CDK14: variants seen among roughly 807,000 people sequenced by gnomAD.
CDK14 encodes the protein cyclin dependent kinase 14.
Under a neutral mutation model 60.7 loss-of-function variants are expected in CDK14, and 34 were observed. That is an observed-to-expected ratio of 0.56 (90% CI 0.43 to 0.75). The LOEUF (loss-of-function observed/expected upper bound fraction) is 0.75. CDK14 is among the 30% of genes least tolerant of loss of function. The pLI is 0.00. For missense variants in CDK14, 482 were observed against 564.1 expected, an observed-to-expected ratio of 0.85 and a Z score of 1.47; for synonymous variants, 197 against 203.7, an observed-to-expected ratio of 0.97 and a Z score of 0.28.
intron 4 of CDK14, among the ~76,000 whole-genome samples, chr7:90,757,232 GTGTGTGTGTGTGTGTGTGTC>G (rs1405109635): frequency 3.4e-5 from 5 of 146,714 alleles, no homozygotes; most frequent in East Asian, 5.7e-4. Flanking sequence ...GTGTGTGTGT[GTGTGTGTGTGTGTGTGTGTC>G]TGTGTGTGTC....
chr7:90,668,223 T>G (rs1801024972), intron 2 of CDK14, among the ~76,000 whole-genome samples: 1 of 152,246 alleles, frequency 6.6e-6, no homozygotes, highest in South Asian at 2.1e-4. Context: ...GGATGTGAAG[T>G]GACATGTCTT....
intron 2 of CDK14, among the ~76,000 whole-genome samples, chr7:90,723,612 A>T (rs1802533453): frequency 6.6e-6 from 1 of 152,212 alleles, no homozygotes; most frequent in Non-Finnish European, 1.5e-5. Flanking sequence ...TATTTATGGG[A>T]TACAAGTCAA....
At chr7:91,110,128 A>G (rs1264144109) in intron 12 of CDK14, among the ~76,000 whole-genome samples, 2 of 152,118 alleles carry the variant, frequency 1.3e-5, no homozygotes, top group African/African-American at 2.4e-5. Flanking sequence ...ATGTCTTAAC[A>G]ACTTAGGTAG....
chr7:90,628,819 G>A (rs1228507858), intron 2 of CDK14, among the ~76,000 whole-genome samples: 5 of 151,988 alleles, frequency 3.3e-5, no homozygotes, highest in Non-Finnish European at 5.9e-5. Flanking sequence ...CAGCCTTGGC[G>A]ACAGAGTGAG....
In CDK14 at chr7:91,143,764, C is replaced by T. The variant is rs114845909; in HGVS notation, c.*28+25556C>T. On this transcript the variant is annotated intron_variant, in intron 14 of 14. Coordinates refer to ENST00000380050, the MANE Select transcript of CDK14 (RefSeq NM_001287135.2). ...GAACATCTCACTTAATGAGTGCTTA[C>T]TGCATGCTAGACATCATGTTGAGCA... Among the ~76,000 whole-genome samples, 1,058 of 152,210 alleles carry T rather than the reference C, an allele frequency of 7.0e-3. 5 individuals are homozygous for T. Among genetic ancestry groups the T allele is most frequent in the African/African-American group, 0.024 (988 of 41,528 alleles).
intron 14 of CDK14, among the ~76,000 whole-genome samples, chr7:91,118,571 G>A (rs1373201765): frequency 6.6e-6 from 1 of 152,154 alleles, no homozygotes; most frequent in East Asian, 1.9e-4. Context: ...TTTCTAATTA[G>A]TTGTTCTCAT....
intron 14 of CDK14, among the ~76,000 whole-genome samples, chr7:91,176,498 C>CA (rs1198641157): frequency 6.6e-6 from 1 of 151,970 alleles, no homozygotes; most frequent in Non-Finnish European, 1.5e-5. Flanking sequence ...AAAAACCCTT[C>CA]AAAAAATTAA....
chr7:91,058,298 G>C (rs913594470), intron 11 of CDK14, among the ~76,000 whole-genome samples: 6 of 152,142 alleles, frequency 3.9e-5, no homozygotes, highest in African/African-American at 9.7e-5. Flanking sequence ...AGCTTAAGGA[G>C]ATTTTGGGCT....
At chr7:90,868,332 C>CGTGT (rs1242367253) in intron 6 of CDK14, among the ~76,000 whole-genome samples, 24 of 151,294 alleles carry the variant, frequency 1.6e-4, no homozygotes, top group Non-Finnish European at 4.4e-5. Context: ...CATACATACA[C>CGTGT]ACACATTAAT....
chr7:90,617,910 G>A (rs571351521), intron 2 of CDK14, among the ~76,000 whole-genome samples: 22 of 152,276 alleles, frequency 1.4e-4, no homozygotes, highest in Admixed American at 3.9e-4. Context: ...ATACAGACTG[G>A]TTTGAGCTGG....
intron 2 of CDK14, among the ~76,000 whole-genome samples, chr7:90,608,830 G>T (rs755712410): frequency 6.6e-6 from 1 of 151,898 alleles, no homozygotes; most frequent in Admixed American, 6.5e-5. Flanking sequence ...TATACAAAGC[G>T]TATAAAATTA....
intron 4 of CDK14, among the ~76,000 whole-genome samples, chr7:90,788,345 A>T (rs553855020): frequency 6.6e-6 from 1 of 152,296 alleles, no homozygotes; most frequent in Admixed American, 6.5e-5. Flanking sequence ...GTCCTAAAAG[A>T]TGAAGTGAAG....
At chr7:91,205,029 A>C (rs1389059173) in intron 14 of CDK14, among the ~76,000 whole-genome samples, 1 of 152,150 alleles carries the variant, frequency 6.6e-6, no homozygotes, top group Non-Finnish European at 1.5e-5. Context: ...GGATGGCTAT[A>C]ATTTTTTTTA....
intron 12 of CDK14, among the ~76,000 whole-genome samples, chr7:91,105,818 A>T (rs952339403): frequency 2.6e-5 from 4 of 152,208 alleles, no homozygotes; most frequent in Non-Finnish European, 5.9e-5. Context: ...ATAAGATCAT[A>T]TAAAAAACTT....
At chr7:91,176,157 A>C (rs1452847574) in intron 14 of CDK14, among the ~76,000 whole-genome samples, 1 of 151,910 alleles carries the variant, frequency 6.6e-6, no homozygotes, top group Non-Finnish European at 1.5e-5. Flanking sequence ...TAAGAATCTC[A>C]CTCAAAACTG....
intron 4 of CDK14, among the ~76,000 whole-genome samples, chr7:90,783,612 C>T (rs987111426): frequency 6.6e-6 from 1 of 151,906 alleles, no homozygotes; most frequent in Non-Finnish European, 1.5e-5. Context: ...AAAAAATGGG[C>T]AAAACATTTG....
intron 14 of CDK14, among the ~76,000 whole-genome samples, chr7:91,198,692 A>G (rs1379500042): frequency 1.3e-5 from 2 of 152,240 alleles, no homozygotes; most frequent in South Asian, 4.1e-4. Context: ...TTTATGCTAC[A>G]GAAATGAATA....
At chr7:90,777,644 G>T (rs1279416161) in intron 4 of CDK14, among the ~76,000 whole-genome samples, 1 of 152,206 alleles carries the variant, frequency 6.6e-6, no homozygotes, top group Non-Finnish European at 1.5e-5. Flanking sequence ...CTGTGCAGCT[G>T]CAAAAGCTCG....
At chr7:90,877,651 A>G (rs17397553) in intron 6 of CDK14, among the ~76,000 whole-genome samples, 10,133 of 152,220 alleles carry the variant, frequency 0.067, 477 homozygotes, top group Middle Eastern at 0.11. Context: ...CCAGTCAGGA[A>G]AGAAAAATGT....
Sources: gnomAD v4.1 joint callset for allele counts (sites outside exome capture counted in the v4.1 genomes callset) on GRCh38, gnomAD v4.1.1 for gene constraint, MANE v1.5 for transcripts, NCBI Gene and HGNC (gene_info 2026-07-23, HGNC 2026-07-21) for gene names.